The following NAALADL2 variants were observed in gnomAD, a reference collection of about 807,000 sequenced individuals.
NAALADL2 encodes the protein inactive N-acetylated-alpha-linked acidic dipeptidase-like protein 2.
Under a neutral mutation model 87.2 loss-of-function variants are expected in NAALADL2, and 76 were observed. The observed-to-expected ratio is 0.87, with a 90% CI of 0.72 to 1.05. The LOEUF (loss-of-function observed/expected upper bound fraction) is 1.05, where lower values mean the gene tolerates loss of function less well. NAALADL2 is among the 50% of genes least tolerant of loss of function. The pLI, the probability that NAALADL2 is intolerant of heterozygous loss-of-function variation, is 0.00. For missense variants in NAALADL2, 1,089 were observed against 945.8 expected, an observed-to-expected ratio of 1.15 and a Z score of -1.99; for synonymous variants, 354 against 331.0, an observed-to-expected ratio of 1.07 and a Z score of -0.75.
At chr3:175,785,796 G>C (rs1351367122) in intron 13 of NAALADL2, among the ~76,000 whole-genome samples, 9 of 150,710 alleles carry the variant, frequency 6.0e-5, no homozygotes, top group Non-Finnish European at 1.3e-4. Flanking sequence ...TTTCTTCCTA[G>C]TCTTGATGGT....
intron 3 of NAALADL2, among the ~76,000 whole-genome samples, chr3:174,819,607 GC>G (rs1296834829): frequency 6.6e-6 from 1 of 152,046 alleles, no homozygotes; most frequent in Non-Finnish European, 1.5e-5. Flanking sequence ...GGAGTTCATA[GC>G]TTTTTGATGC....
intron 10 of NAALADL2, among the ~76,000 whole-genome samples, chr3:175,579,186 C>G (rs1271609185): frequency 1.5e-5 from 2 of 137,860 alleles, no homozygotes; most frequent in Admixed American, 1.6e-4. Flanking sequence ...TAATGCAAAT[C>G]TTAGAATTAC....
intron 11 of NAALADL2, among the ~76,000 whole-genome samples, chr3:175,629,047 A>T (rs916885028): frequency 1.3e-5 from 2 of 150,492 alleles, no homozygotes. Flanking sequence ...TTTTTTGTAT[A>T]TAACAGGATA....
Position 175,755,347 on chromosome 3 carries a change from G to A in NAALADL2, c.2118G>A (p.Arg706=). 1.2e-6 allele frequency: 2 copies of A among 1,612,638 alleles called. No homozygotes were observed. The highest frequency in any genetic ancestry group is 1.7e-6 in the Non-Finnish European group (2 of 1,179,318). The stretch of plus-strand genomic sequence containing the variant: ...AGGAGAGAGCACCCATCCGCATCCG[G>A]ATGCTGAATGACATTCTCCAAGACA... ...DPKERAPIRI[R]MLNDILQDME... is the part of the protein sequence containing the mutation. Residue 706 remains arginine, a synonymous_variant, in exon 13 of 14, where the codon CGG becomes CGA. Coordinates refer to ENST00000454872, the MANE Select transcript of NAALADL2 (RefSeq NM_207015.3).
At chr3:174,606,285 A>G (rs1029521598) in intron 2 of NAALADL2, among the ~76,000 whole-genome samples, 1 of 152,260 alleles carries the variant, frequency 6.6e-6, no homozygotes, top group Admixed American at 6.5e-5. Flanking sequence ...AAAGGAACGC[A>G]GTTCCTCACC....
intron 2 of NAALADL2, among the ~76,000 whole-genome samples, chr3:175,105,583 C>CAT (rs1192979975): frequency 6.7e-6 from 1 of 149,294 alleles, no homozygotes; most frequent in African/African-American, 2.5e-5. Context: ...TACACACACA[C>CAT]ATACACAAAT....
chr3:175,398,902 G>A (rs895672880), intron 5 of NAALADL2, among the ~76,000 whole-genome samples: 1 of 151,938 alleles, frequency 6.6e-6, no homozygotes, highest in Admixed American at 6.6e-5. Context: ...AATTAAGGGT[G>A]AGTCAACAGT....
At chr3:175,399,466 C>A (rs1428613517) in intron 5 of NAALADL2, among the ~76,000 whole-genome samples, 2 of 152,090 alleles carry the variant, frequency 1.3e-5, no homozygotes, top group East Asian at 1.9e-4. Context: ...GCTGGTTGAC[C>A]ATTTTTATGG....
chr3:174,445,072 AG>A (rs1714951588), intron 1 of NAALADL2, among the ~76,000 whole-genome samples: 1 of 151,616 alleles, frequency 6.6e-6, no homozygotes, highest in Non-Finnish European at 1.5e-5. Context: ...ACTATAAAAC[AG>A]GGTTCTGCGT....
chr3:174,683,379 A>T (rs1727732149), intron 2 of NAALADL2, among the ~76,000 whole-genome samples: 1 of 152,134 alleles, frequency 6.6e-6, no homozygotes, highest in African/African-American at 2.4e-5. Flanking sequence ...GATTAATTGA[A>T]ATTGTACCAC....
chr3:175,632,348 A>C (rs1166570458), intron 11 of NAALADL2, among the ~76,000 whole-genome samples: 2 of 144,770 alleles, frequency 1.4e-5, no homozygotes, highest in African/African-American at 5.1e-5. Flanking sequence ...CTTCCCCTTC[A>C]CCTTCTGCCA....
chr3:175,341,909 C>T (rs1041074028), intron 5 of NAALADL2, among the ~76,000 whole-genome samples: 1 of 152,022 alleles, frequency 6.6e-6, no homozygotes, highest in East Asian at 1.9e-4. Context: ...TGTCTCAGTA[C>T]TGTTTGTTGA....
intron 2 of NAALADL2, among the ~76,000 whole-genome samples, chr3:174,704,081 C>T (rs562498642): frequency 3.9e-5 from 6 of 152,108 alleles, no homozygotes; most frequent in African/African-American, 7.2e-5. Context: ...CTAGGAGATA[C>T]GGAAGCTTTA....
intron 1 of NAALADL2, among the ~76,000 whole-genome samples, chr3:174,914,179 C>T (rs1285013047): frequency 1.3e-5 from 2 of 151,710 alleles, no homozygotes; most frequent in African/African-American, 4.8e-5. Context: ...TCTCCTGCCT[C>T]AGCCTCCCGA....
At chr3:175,477,066 A>G (rs998269558) in intron 9 of NAALADL2, among the ~76,000 whole-genome samples, 1 of 152,108 alleles carries the variant, frequency 6.6e-6, no homozygotes. Flanking sequence ...GTCAGGCATC[A>G]GAGAAAAGGC....
At chr3:175,546,739 T>TA (rs1168684834) in intron 9 of NAALADL2, among the ~76,000 whole-genome samples, 1 of 152,100 alleles carries the variant, frequency 6.6e-6, no homozygotes, top group African/African-American at 2.4e-5. Context: ...TTTCAGCTGT[T>TA]AGTCTGATTG....
chr3:175,241,052 T>C (rs972103256), intron 3 of NAALADL2, among the ~76,000 whole-genome samples: 1 of 152,188 alleles, frequency 6.6e-6, no homozygotes, highest in Non-Finnish European at 1.5e-5. Context: ...TTGGCAACAG[T>C]GCACAAGTGT....
intron 11 of NAALADL2, among the ~76,000 whole-genome samples, chr3:175,689,386 G>C (rs2149909747): frequency 1.3e-5 from 2 of 152,152 alleles, no homozygotes; most frequent in South Asian, 4.1e-4. Context: ...ATATATGCTA[G>C]ATAAGCTAGG....
chr3:174,453,275 T>C (rs761010736), intron 1 of NAALADL2, among the ~76,000 whole-genome samples: 9 of 152,104 alleles, frequency 5.9e-5, no homozygotes, highest in Non-Finnish European at 1.3e-4. Context: ...CTGAGAAATA[T>C]GGGATTACAT....
Sources: gnomAD v4.1 joint callset for allele counts (sites outside exome capture counted in the v4.1 genomes callset) on GRCh38, gnomAD v4.1.1 for gene constraint, MANE v1.5 for transcripts, NCBI Gene and HGNC (gene_info 2026-07-23, HGNC 2026-07-21) for gene names.